The following WDR49 variants were observed in gnomAD, a reference collection of about 807,000 sequenced individuals.
The protein encoded by WDR49 is WD repeat domain 49.
WDR49 carries 107 observed loss-of-function variants against 119.5 expected under a neutral mutation model. The observed-to-expected ratio is 0.90, with a 90% CI of 0.77 to 1.05. WDR49 has a LOEUF of 1.05. Among genes scored for constraint, WDR49 ranks in the 50% least tolerant of loss-of-function variants. The pLI, the probability that WDR49 is intolerant of heterozygous loss-of-function variation, is 0.00. For missense variants in WDR49, 1,240 were observed against 1,220.5 expected (o/e 1.02, Z -0.24); for synonymous variants, 425 against 418.8 (o/e 1.01, Z -0.18).
intron 5 of WDR49, among the ~76,000 whole-genome samples, chr3:167,618,893 A>ATAGGTTACTTCATTGGTATGGTTGAT (rs1343768625): frequency 2.0e-5 from 3 of 152,182 alleles, no homozygotes; most frequent in African/African-American, 7.2e-5. Flanking sequence ...ATGCTCACTG[A>ATAGGTTACTTCATTGGTATGGTTGAT]TAGGTTACTT....
At chr3:167,585,504 T>C (rs1714765510) in intron 7 of WDR49, among the ~76,000 whole-genome samples, 1 of 151,730 alleles carries the variant, frequency 6.6e-6, no homozygotes, top group Non-Finnish European at 1.5e-5. Flanking sequence ...GTAGTTAAAT[T>C]ATGGCCATCC....
chr3:167,643,205 T>C (rs112061652), intron 2 of WDR49, among the ~76,000 whole-genome samples: 183 of 152,164 alleles, frequency 1.2e-3, no homozygotes, highest in South Asian at 2.9e-3. Context: ...GTAACTCTGG[T>C]GGATCCACTT....
chr3:167,560,661 T>C (rs973220064), intron 8 of WDR49, among the ~76,000 whole-genome samples: 6 of 152,200 alleles, frequency 3.9e-5, no homozygotes, highest in African/African-American at 7.2e-5. Context: ...CCAGCCATTA[T>C]GGAAAATGTT....
intron 5 of WDR49, among the ~76,000 whole-genome samples, chr3:167,613,521 CAGGGAAGTCGAGCCACACACAAGCA>C (rs1437858841): frequency 1.3e-5 from 2 of 152,166 alleles, no homozygotes; most frequent in Non-Finnish European, 2.9e-5. Context: ...GATTTAGATG[CAGGGAAGTCGAGCCACACACAAGCA>C]AGATATTAAA....
chr3:167,552,933 G>A (rs1712659485), intron 10 of WDR49, among the ~76,000 whole-genome samples: 1 of 152,006 alleles, frequency 6.6e-6, no homozygotes, highest in Non-Finnish European at 1.5e-5. Flanking sequence ...TCTAAAACAA[G>A]GTATTGAAGA....
intron 16 of WDR49, among the ~76,000 whole-genome samples, chr3:167,513,530 C>T (rs909466477): frequency 1.3e-5 from 2 of 152,182 alleles, no homozygotes; most frequent in Non-Finnish European, 2.9e-5. Context: ...AGACCAATGA[C>T]ACCATGAAGA....
chr3:167,486,235 C>T (rs1264589545), intron 18 of WDR49, among the ~76,000 whole-genome samples: 2 of 152,198 alleles, frequency 1.3e-5, no homozygotes, highest in South Asian at 2.1e-4. Flanking sequence ...GCCGTAATTA[C>T]AAGAGTCTCT....
At chr3:167,504,419 T>C (rs2108213123) in intron 17 of WDR49, among the ~76,000 whole-genome samples, 1 of 152,366 alleles carries the variant, frequency 6.6e-6, no homozygotes, top group African/African-American at 2.4e-5. Flanking sequence ...ACTGCCTTGC[T>C]GAATTTCAGA....
chr3:167,580,700 G>A (rs771507933), intron 7 of WDR49, among the ~76,000 whole-genome samples: 12 of 152,134 alleles, frequency 7.9e-5, no homozygotes, highest in East Asian at 5.8e-4. Context: ...CATTAATTCA[G>A]TTTTATTAAT....
At chr3:167,617,080 T>A (rs1044274011) in intron 5 of WDR49, among the ~76,000 whole-genome samples, 1 of 151,902 alleles carries the variant, frequency 6.6e-6, no homozygotes, top group African/African-American at 2.4e-5. Context: ...TAAAGAAGAA[T>A]CCAGGAGAAA....
chr3:167,480,010 T>C (rs1404022085), intron 18 of WDR49, among the ~76,000 whole-genome samples: 1 of 151,706 alleles, frequency 6.6e-6, no homozygotes, highest in Non-Finnish European at 1.5e-5. Context: ...GCAGGTGAAT[T>C]GCCTGAGGTC....
chr3:167,589,729 AT>A (rs1191036334), intron 7 of WDR49, among the ~76,000 whole-genome samples: 1 of 151,718 alleles, frequency 6.6e-6, no homozygotes, highest in African/African-American at 2.4e-5. Context: ...TGATTTTCAG[AT>A]TGTTGTTGGC....
At chr3:167,602,317 G>A in intron 6 of WDR49, 42 bp from the exon 7 acceptor site, 1 of 1,494,598 alleles carries the variant, frequency 6.7e-7, no homozygotes. Flanking sequence ...TTAATAGCAT[G>A]AATAGCCCAC....
chr3:167,622,805 C>T (rs1716933723), intron 3 of WDR49, among the ~76,000 whole-genome samples: 1 of 151,866 alleles, frequency 6.6e-6, no homozygotes, highest in Non-Finnish European at 1.5e-5. Context: ...CCAGGGTAGA[C>T]CATATATTAG....
intron 7 of WDR49, among the ~76,000 whole-genome samples, chr3:167,586,706 T>G (rs1714833313): frequency 6.6e-6 from 1 of 152,214 alleles, no homozygotes. Context: ...ACGTAAAGAC[T>G]GAGATCACGA....
At chr3:167,615,929 C>A (rs1334278981) in intron 5 of WDR49, among the ~76,000 whole-genome samples, 2 of 152,182 alleles carry the variant, frequency 1.3e-5, no homozygotes, top group Non-Finnish European at 2.9e-5. Context: ...CAGAAGGATA[C>A]TTCGTTAAGT....
intron 10 of WDR49, among the ~76,000 whole-genome samples, chr3:167,548,385 G>T (rs1232854457): frequency 6.6e-6 from 1 of 151,856 alleles, no homozygotes; most frequent in Non-Finnish European, 1.5e-5. Flanking sequence ...AAACATCTCT[G>T]CCTACATTTA....
At chr3:167,635,958 TA>T (rs970138859) in intron 2 of WDR49, among the ~76,000 whole-genome samples, 1 of 151,300 alleles carries the variant, frequency 6.6e-6, no homozygotes, top group African/African-American at 2.4e-5. Context: ...ACCACTAAAT[TA>T]AAAAAATTTT....
At chr3:167,557,752 CAA>C (rs547560541) in intron 9 of WDR49, among the ~76,000 whole-genome samples, 10 of 106,020 alleles carry the variant, frequency 9.4e-5, no homozygotes, top group Admixed American at 4.4e-4. Flanking sequence ...GACTCCGTCT[CAA>C]AAAAAAAAAA....
Sources: gnomAD v4.1 joint callset for allele counts (sites outside exome capture counted in the v4.1 genomes callset) on GRCh38, gnomAD v4.1.1 for gene constraint, MANE v1.5 for transcripts, NCBI Gene and HGNC (gene_info 2026-07-23, HGNC 2026-07-21) for gene names.